Variants in ZFPM2 observed in about 807,000 individuals in gnomAD.
The protein encoded by ZFPM2 is zinc finger protein ZFPM2.
ZFPM2 carries 20 observed loss-of-function variants against 98.6 expected under a neutral mutation model. The observed-to-expected ratio is 0.20, with a 90% CI of 0.14 to 0.29. ZFPM2 has a LOEUF of 0.29. Ranked by LOEUF, ZFPM2 falls within the 10% of genes least tolerant of loss-of-function variation. ZFPM2 has a pLI of 1.00. For missense variants in ZFPM2, 1,310 were observed against 1,388.6 expected (o/e 0.94, Z 0.90); for synonymous variants, 518 against 502.7 (o/e 1.03, Z -0.41).
intron 4 of ZFPM2, among the ~76,000 whole-genome samples, chr8:105,586,802 T>G (rs1815726912): frequency 6.6e-6 from 1 of 151,150 alleles, no homozygotes; most frequent in South Asian, 2.1e-4. Flanking sequence ...GTGTTTATCC[T>G]TTAGGCCACT....
At chr8:105,371,536 A>G (rs1340843406) in intron 1 of ZFPM2, among the ~76,000 whole-genome samples, 1 of 152,194 alleles carries the variant, frequency 6.6e-6, no homozygotes, top group Admixed American at 6.5e-5. Flanking sequence ...ATCTAAGGGC[A>G]TAGATTCTTT....
chr8:105,762,061 G>A (rs567973693), intron 5 of ZFPM2, among the ~76,000 whole-genome samples: 33 of 151,742 alleles, frequency 2.2e-4, no homozygotes, highest in Non-Finnish European at 4.0e-4. Context: ...ATAATTCATA[G>A]CTATAGGAAA....
chr8:105,463,255 T>A (rs1233924379), intron 3 of ZFPM2, among the ~76,000 whole-genome samples: 1 of 151,332 alleles, frequency 6.6e-6, no homozygotes, highest in African/African-American at 2.4e-5. Context: ...TATATGTATA[T>A]AAACCATCTC....
chr8:105,571,966 C>A (rs1276569607), intron 4 of ZFPM2, among the ~76,000 whole-genome samples: 1 of 151,920 alleles, frequency 6.6e-6, no homozygotes, highest in Non-Finnish European at 1.5e-5. Context: ...TCTTTCCAAG[C>A]CACTGCTATA....
chr8:105,717,528 G>A (rs1157932094), intron 5 of ZFPM2, among the ~76,000 whole-genome samples: 11 of 151,858 alleles, frequency 7.2e-5, no homozygotes, highest in African/African-American at 2.4e-4. Flanking sequence ...GGCCTCCACA[G>A]TATTGAGCAC....
intron 4 of ZFPM2, among the ~76,000 whole-genome samples, chr8:105,569,413 G>C (rs1488284133): frequency 2.6e-5 from 4 of 152,088 alleles, no homozygotes; most frequent in Non-Finnish European, 5.9e-5. Context: ...CTGTGATCTT[G>C]CTTCATCTGC....
rs34183654 is a variant in ZFPM2 at position 105,515,911 on chromosome 8, C to CTTTTTT, written c.302-45434_302-45429dup. On this transcript the variant is annotated intron_variant, in intron 3 of 7. Coordinates refer to ENST00000407775, the MANE Select transcript of ZFPM2 (RefSeq NM_012082.4). ...TTGTGCAAGAAAGAAAAAACAACTT[C>CTTTTTT]TTTTTTTTTTTTTTTTTTTTTTTGA... Among the ~76,000 whole-genome samples, 122 of 89,268 alleles carry CTTTTTT rather than the reference C, an allele frequency of 1.4e-3. 2 individuals are homozygous for CTTTTTT. The highest frequency in any genetic ancestry group is 3.9e-3 in the East Asian group (12 of 3,090). 58.6% of individuals were successfully genotyped at this position (89,268 alleles called of 152,430 possible). A position where few individuals can be genotyped will look rare whatever the true frequency, so the allele number is the denominator to read the frequency against.
chr8:105,322,086 A>G (rs939425824), intron 1 of ZFPM2, among the ~76,000 whole-genome samples: 2 of 151,886 alleles, frequency 1.3e-5, no homozygotes, highest in Non-Finnish European at 2.9e-5. Flanking sequence ...TCCTGGTTTG[A>G]TAAAAAGCCC....
chr8:105,477,142 A>G (rs898455272), intron 3 of ZFPM2, among the ~76,000 whole-genome samples: 9 of 151,998 alleles, frequency 5.9e-5, no homozygotes, highest in Non-Finnish European at 1.3e-4. Context: ...GATTTTTGGT[A>G]CAATTTTCAA....
chr8:105,550,361 A>G (rs1814822629), intron 3 of ZFPM2, among the ~76,000 whole-genome samples: 1 of 152,144 alleles, frequency 6.6e-6, no homozygotes, highest in South Asian at 2.1e-4. Context: ...CACCTAGTTA[A>G]GTTGTTACAT....
intron 3 of ZFPM2, among the ~76,000 whole-genome samples, chr8:105,506,541 TTTTA>T (rs1205898503): frequency 1.3e-5 from 2 of 152,190 alleles, no homozygotes; most frequent in Non-Finnish European, 2.9e-5. Context: ...CAATATTTTG[TTTTA>T]TTGTCTTATT....
chr8:105,666,954 T>C (rs1817500822), intron 5 of ZFPM2, among the ~76,000 whole-genome samples: 1 of 152,206 alleles, frequency 6.6e-6, no homozygotes, highest in African/African-American at 2.4e-5. Flanking sequence ...GTACTTTTGT[T>C]TCATATTAAA....
intron 5 of ZFPM2, among the ~76,000 whole-genome samples, chr8:105,704,890 A>G (rs1462838542): frequency 6.6e-6 from 1 of 152,162 alleles, no homozygotes; most frequent in Non-Finnish European, 1.5e-5. Context: ...GAGAGGCTCA[A>G]GTTGCAAGTT....
chr8:105,764,327 T>C (rs1382136653), intron 5 of ZFPM2, among the ~76,000 whole-genome samples: 23 of 132,208 alleles, frequency 1.7e-4, no homozygotes, highest in Non-Finnish European at 2.8e-4. Flanking sequence ...CACACACACA[T>C]ATTTGGAAAT....
chr8:105,607,419 C>T (rs1012451763), intron 4 of ZFPM2, among the ~76,000 whole-genome samples: 2 of 152,004 alleles, frequency 1.3e-5, no homozygotes, highest in African/African-American at 2.4e-5. Flanking sequence ...TTGCTATCTC[C>T]GATGAACACC....
intron 4 of ZFPM2, among the ~76,000 whole-genome samples, chr8:105,625,491 G>T (rs951839698): frequency 6.6e-6 from 1 of 151,880 alleles, no homozygotes; most frequent in South Asian, 2.1e-4. Context: ...AGAATCACAA[G>T]ATTTTAATTG....
intron 4 of ZFPM2, among the ~76,000 whole-genome samples, chr8:105,627,012 T>G (rs1816670659): frequency 6.6e-6 from 1 of 152,184 alleles, no homozygotes; most frequent in African/African-American, 2.4e-5. Flanking sequence ...TTTCTAACCC[T>G]CCTTTTGGAA....
At chr8:105,741,536 C>T (rs975065377) in intron 5 of ZFPM2, among the ~76,000 whole-genome samples, 1 of 152,048 alleles carries the variant, frequency 6.6e-6, no homozygotes, top group Non-Finnish European at 1.5e-5. Context: ...AAAGTTGGCA[C>T]ATCCGTGGTC....
intron 1 of ZFPM2, among the ~76,000 whole-genome samples, chr8:105,400,077 C>A (rs1811307091): frequency 1.3e-5 from 2 of 151,900 alleles, no homozygotes; most frequent in South Asian, 4.2e-4. Context: ...CTTTGTGATG[C>A]ATTTTTATTT....
Sources: allele counts gnomAD v4.1 joint callset (sites outside exome capture counted in the v4.1 genomes callset), GRCh38; gene constraint gnomAD v4.1.1; transcripts MANE v1.5; gene names NCBI Gene and HGNC (gene_info 2026-07-23, HGNC 2026-07-21).